Variants in FNIP2 observed in about 807,000 individuals in gnomAD.
FNIP2 encodes the protein folliculin interacting protein 2.
A neutral mutation model predicts 108.7 loss-of-function variants in FNIP2; 32 were observed. The observed-to-expected ratio is 0.29, with a 90% confidence interval of 0.22 to 0.40. The LOEUF (loss-of-function observed/expected upper bound fraction) is 0.40, where lower values mean the gene tolerates loss of function less well. FNIP2 is among the 10% of genes least tolerant of loss of function. FNIP2 has a pLI of 1.00. For synonymous variants in FNIP2, 480 were observed against 496.7 expected, an observed-to-expected ratio of 0.97 and a Z score of 0.45; for missense variants, 1,202 against 1,381.6, an observed-to-expected ratio of 0.87 and a Z score of 2.06.
chr4:158,854,396 T>C (rs1241798937), intron 8 of FNIP2, among the ~76,000 whole-genome samples: 1 of 152,092 alleles, frequency 6.6e-6, no homozygotes, highest in Non-Finnish European at 1.5e-5. Flanking sequence ...GTCACAGCCA[T>C]TAGTGTGGGT....
chr4:158,904,094 T>C (rs989021683), intron 16 of FNIP2, among the ~76,000 whole-genome samples: 19 of 152,182 alleles, frequency 1.2e-4, no homozygotes, highest in African/African-American at 4.3e-4. Flanking sequence ...CATTTAGAAG[T>C]GTTGACTGGA....
chr4:158,904,564 C>A lies in FNIP2; in HGVS notation c.*20C>A, dbSNP rs1433204970. 6.2e-7 allele frequency: 1 copy of A among 1,601,578 alleles called. No homozygotes were observed. The highest frequency in any genetic ancestry group is 8.5e-7 in the Non-Finnish European group (1 of 1,171,928). On this transcript the variant is annotated 3_prime_UTR_variant, in exon 17 of 17. Transcript: ENST00000264433. ...TTATAAGCTAAAGCTCAGGACAGTT[C>A]TTCCTTGGAAGAAAAAAATCAAATT...
At chr4:158,781,745 G>A (rs1349332901) in intron 1 of FNIP2, among the ~76,000 whole-genome samples, 1 of 152,086 alleles carries the variant, frequency 6.6e-6, no homozygotes, top group Non-Finnish European at 1.5e-5. Flanking sequence ...TCGAACTCCT[G>A]GCTTCAAGTG....
intron 1 of FNIP2, among the ~76,000 whole-genome samples, chr4:158,790,605 G>A (rs992463886): frequency 1.3e-5 from 2 of 151,986 alleles, no homozygotes. Context: ...AAATCAGTTG[G>A]GCATGGTGAT....
chr4:158,845,954 T>A (rs1779379579), intron 7 of FNIP2, among the ~76,000 whole-genome samples: 1 of 152,206 alleles, frequency 6.6e-6, no homozygotes, highest in African/African-American at 2.4e-5. Context: ...TCTCTTTGAT[T>A]TTTTGCCTTC....
At chr4:158,846,310 TC>T (rs1779401585) in intron 7 of FNIP2, among the ~76,000 whole-genome samples, 1 of 152,232 alleles carries the variant, frequency 6.6e-6, no homozygotes, top group African/African-American at 2.4e-5. Flanking sequence ...TACTCTGTTT[TC>T]TTTTCTGTTT....
At chr4:158,826,181 C>T in intron 2 of FNIP2, 139 bp downstream of exon 2, 1 of 1,220,266 alleles carries the variant, frequency 8.2e-7, no homozygotes, top group Non-Finnish European at 1.1e-6. Context: ...CATAAGCAAG[C>T]ATTGAATCCT....
intron 14 of FNIP2, among the ~76,000 whole-genome samples, chr4:158,887,724 G>T (rs998979696): frequency 1.8e-5 from 2 of 108,946 alleles, no homozygotes; most frequent in African/African-American, 3.8e-5. Flanking sequence ...GTGACAAAGT[G>T]AGACTCTGTC....
At chr4:158,770,949 G>C (rs756641687) in intron 1 of FNIP2, among the ~76,000 whole-genome samples, 1 of 151,952 alleles carries the variant, frequency 6.6e-6, no homozygotes, top group African/African-American at 2.4e-5. Flanking sequence ...CACCATTTCC[G>C]CTATCCACAA....
chr4:158,792,458 G>A (rs1438079344), intron 1 of FNIP2, among the ~76,000 whole-genome samples: 2 of 150,906 alleles, frequency 1.3e-5, no homozygotes, highest in Admixed American at 6.6e-5. Context: ...TGGTCCTACT[G>A]TAAGAAGCTG....
chr4:158,812,891 T>C (rs188148547), intron 1 of FNIP2, among the ~76,000 whole-genome samples: 55 of 151,692 alleles, frequency 3.6e-4, no homozygotes, highest in African/African-American at 1.1e-3. Context: ...TGCCTATTCA[T>C]CCTTCCCTCC....
chr4:158,891,774 A>G (rs1782291384), intron 15 of FNIP2, 128 bp downstream of exon 15: 1 of 866,826 alleles, frequency 1.2e-6, no homozygotes. Flanking sequence ...AACTAAAACT[A>G]GAACATGCAG....
At chr4:158,781,976 C>T (rs1176094811) in intron 1 of FNIP2, among the ~76,000 whole-genome samples, 1 of 152,080 alleles carries the variant, frequency 6.6e-6, no homozygotes, top group Non-Finnish European at 1.5e-5. Flanking sequence ...TAATACCTAT[C>T]AATCCTACTA....
chr4:158,889,918 T>G (rs1485104188), intron 14 of FNIP2: 2 of 985,086 alleles, frequency 2.0e-6, no homozygotes, highest in Non-Finnish European at 2.4e-6. Context: ...TAAAGAGAAG[T>G]CACTGAAGCC....
intron 3 of FNIP2, among the ~76,000 whole-genome samples, chr4:158,830,707 T>G (rs576804770): frequency 7.0e-4 from 106 of 152,352 alleles, no homozygotes; most frequent in Non-Finnish European, 1.1e-3. Flanking sequence ...TAAGGGTGAT[T>G]CCCATGTTTT....
chr4:158,798,103 C>T (rs1265024844), intron 1 of FNIP2, among the ~76,000 whole-genome samples: 2 of 151,958 alleles, frequency 1.3e-5, no homozygotes, highest in African/African-American at 4.8e-5. Context: ...CTTGCCCTGT[C>T]ACTCAAGCCA....
intron 1 of FNIP2, among the ~76,000 whole-genome samples, chr4:158,803,426 G>C (rs1776828559): frequency 6.8e-6 from 1 of 147,142 alleles, no homozygotes; most frequent in South Asian, 2.1e-4. Context: ...GGAGAGAACA[G>C]ACTCTTAAGC....
At chr4:158,879,445 A>G (rs2126737451) in intron 14 of FNIP2, among the ~76,000 whole-genome samples, 1 of 150,590 alleles carries the variant, frequency 6.6e-6, no homozygotes, top group East Asian at 2.0e-4. Flanking sequence ...GAAGCAGGGA[A>G]GAGTGCAGGG....
chr4:158,770,770 C>CT (rs1303903345), intron 1 of FNIP2, among the ~76,000 whole-genome samples: 1 of 152,190 alleles, frequency 6.6e-6, no homozygotes, highest in Non-Finnish European at 1.5e-5. Flanking sequence ...CCTTCCCTCC[C>CT]TGTAACCCAG....
Sources: gnomAD v4.1 joint callset for allele counts (sites outside exome capture counted in the v4.1 genomes callset) on GRCh38, gnomAD v4.1.1 for gene constraint, MANE v1.5 for transcripts, NCBI Gene and HGNC (gene_info 2026-07-23, HGNC 2026-07-21) for gene names.